PLEKHM3: variants seen among roughly 807,000 people sequenced by gnomAD.
The protein encoded by PLEKHM3 is pleckstrin homology domain containing M3, also known as pleckstrin homology domain-containing family M member 3.
In PLEKHM3, 45 loss-of-function variants were observed where a neutral mutation model predicts 81.8. That is an observed-to-expected ratio of 0.55 (90% CI 0.43 to 0.71). The LOEUF is 0.71. PLEKHM3 is among the 30% of genes least tolerant of loss of function. The probability of loss-of-function intolerance (pLI) is 0.00; values close to 1 mark genes in which losing one functional copy is unlikely to be tolerated. For synonymous variants in PLEKHM3, 352 were observed against 356.4 expected, an observed-to-expected ratio of 0.99 and a Z score of 0.14; for missense variants, 788 against 924.3, an observed-to-expected ratio of 0.85 and a Z score of 1.91.
chr2:207,962,326 T>G (rs929240091), intron 3 of PLEKHM3, among the ~76,000 whole-genome samples: 1 of 152,166 alleles, frequency 6.6e-6, no homozygotes. Context: ...TCAGAGGAGC[T>G]TCCTCATTGA....
At chr2:207,910,664 C>A (rs1026141543) in intron 5 of PLEKHM3, among the ~76,000 whole-genome samples, 1 of 152,138 alleles carries the variant, frequency 6.6e-6, no homozygotes, top group Non-Finnish European at 1.5e-5. Flanking sequence ...TTAGTAATAT[C>A]ATGCATGTCT....
chr2:207,925,973 C>T (rs1320444934), intron 5 of PLEKHM3, among the ~76,000 whole-genome samples: 1 of 151,898 alleles, frequency 6.6e-6, no homozygotes, highest in Admixed American at 6.6e-5. Context: ...GTATCTGAGA[C>T]ATCGACAAAC....
At chr2:207,972,522 G>A (rs908606456) in intron 3 of PLEKHM3, among the ~76,000 whole-genome samples, 7 of 151,634 alleles carry the variant, frequency 4.6e-5, no homozygotes, top group South Asian at 2.1e-4. Context: ...AGGAGGCGGA[G>A]GTTGCAGTGA....
In PLEKHM3 at chr2:207,823,555, G is replaced by A. The variant is rs943439987; in HGVS notation, c.*4764C>T. 3.9e-5 allele frequency: 6 copies of A among 152,130 alleles called. No homozygotes were observed. The highest frequency in any genetic ancestry group is 8.8e-5 in the Non-Finnish European group (6 of 68,038). 9.4% of individuals were successfully genotyped at this position (152,130 alleles called of 1,614,324 possible). ...TGACCTCAAGTGATTCACCCACCTC[G>A]GCCTTCAAAGTGTTGGGATTACAGG... On this transcript the variant is annotated 3_prime_UTR_variant, in exon 8 of 8. Transcript: ENST00000427836.
intron 7 of PLEKHM3, among the ~76,000 whole-genome samples, chr2:207,848,552 T>A (rs962330742): frequency 2.0e-5 from 3 of 152,246 alleles, no homozygotes; most frequent in Non-Finnish European, 4.4e-5. Context: ...CAGCACCATC[T>A]ATGGGAAGAA....
At chr2:207,828,553 G>C in intron 7 of PLEKHM3, 57 bp from the exon 8 acceptor site, 6 of 1,554,210 alleles carry the variant, frequency 3.9e-6, no homozygotes, top group Non-Finnish European at 5.3e-6. Flanking sequence ...AGACACAAAT[G>C]GGAAGCCCTG....
Position 207,828,497 on chromosome 2 carries a change from C to G in PLEKHM3, c.2109-1G>C, listed in dbSNP as rs1454452049. On this transcript the variant is annotated splice_acceptor_variant, in intron 7 of 7. Coordinates refer to ENST00000427836, the MANE Select transcript of PLEKHM3 (RefSeq NM_001080475.3). LOFTEE classifies it high-confidence loss of function. ...GAAAACGGCTCCACAGCTTTCACAC[C>G]TGCAAAAGTCAACCATGGATATGAT... is the stretch of plus-strand genomic sequence containing the variant. 1 of 1,612,998 alleles carries G rather than the reference C, an allele frequency of 6.2e-7. No homozygotes were observed. The highest frequency in any genetic ancestry group is 2.2e-5 in the East Asian group (1 of 44,878).
At chr2:207,933,912 G>A (rs1689668180) in intron 4 of PLEKHM3, among the ~76,000 whole-genome samples, 1 of 152,186 alleles carries the variant, frequency 6.6e-6, no homozygotes, top group Non-Finnish European at 1.5e-5. Flanking sequence ...CTGAGCACAT[G>A]CACTCATTTT....
chr2:207,975,250 G>A (rs1410091971), intron 3 of PLEKHM3, among the ~76,000 whole-genome samples: 3 of 152,168 alleles, frequency 2.0e-5, no homozygotes, highest in African/African-American at 4.8e-5. Flanking sequence ...TCCTCACTCT[G>A]GGTAATTTAT....
rs1249428067 is a variant in PLEKHM3, at chr2:207,823,601, C to T, written c.*4718G>A. 1 of 152,202 alleles carries T rather than the reference C, an allele frequency of 6.6e-6. No individual in the cohort carries two copies. The highest frequency in any genetic ancestry group is 1.5e-5 in the Non-Finnish European group (1 of 68,056). The allele number at this position is 152,202 out of a possible 1,614,324, so 9.4% of individuals were successfully genotyped here. A position where few individuals can be genotyped will look rare whatever the true frequency, so the allele number is the denominator to read the frequency against. The stretch of plus-strand genomic sequence containing the variant: ...ACAGGCATGAGCCACTACGTTCAGC[C>T]TAATTTTTTTATTTTTAGTATAGAC... On this transcript the variant is annotated 3_prime_UTR_variant, in exon 8 of 8. Coordinates refer to ENST00000427836, the MANE Select transcript of PLEKHM3 (RefSeq NM_001080475.3).
intron 1 of PLEKHM3, among the ~76,000 whole-genome samples, chr2:208,017,665 C>T (rs1013417257): frequency 2.6e-5 from 4 of 152,150 alleles, no homozygotes; most frequent in Non-Finnish European, 4.4e-5. Flanking sequence ...GAAACTTGTT[C>T]TTTATGCTTT....
At chr2:207,892,662 C>T (rs1422485785) in intron 6 of PLEKHM3, among the ~76,000 whole-genome samples, 1 of 152,170 alleles carries the variant, frequency 6.6e-6, no homozygotes, top group East Asian at 1.9e-4. Flanking sequence ...CTCGCCACCC[C>T]TTTCATTATC....
intron 7 of PLEKHM3, among the ~76,000 whole-genome samples, chr2:207,836,125 C>A (rs1043253621): frequency 1.3e-5 from 2 of 152,104 alleles, no homozygotes; most frequent in African/African-American, 2.4e-5. Context: ...GGGATAGGAG[C>A]AGGGGAACAT....
chr2:207,842,005 A>T (rs546647316), intron 7 of PLEKHM3, among the ~76,000 whole-genome samples: 109 of 152,206 alleles, frequency 7.2e-4, no homozygotes, highest in Non-Finnish European at 1.3e-3. Flanking sequence ...TGGTGTGATC[A>T]CAGCTCACTG....
At chr2:207,930,515 T>G (rs1326616660) in intron 5 of PLEKHM3, among the ~76,000 whole-genome samples, 1 of 152,114 alleles carries the variant, frequency 6.6e-6, no homozygotes, top group Non-Finnish European at 1.5e-5. Context: ...GCTTTTTAGT[T>G]ATGAACTATT....
At chr2:207,885,493 C>G (rs1687859155) in intron 6 of PLEKHM3, among the ~76,000 whole-genome samples, 1 of 152,130 alleles carries the variant, frequency 6.6e-6, no homozygotes, top group East Asian at 1.9e-4. Context: ...TTCATCAAAG[C>G]AGGAAATAAA....
chr2:207,989,895 T>C (rs549603665), intron 2 of PLEKHM3, among the ~76,000 whole-genome samples: 2 of 152,300 alleles, frequency 1.3e-5, no homozygotes, highest in African/African-American at 4.8e-5. Context: ...AGGCCTCCCC[T>C]CCTGGGAAAC....
At position 207,977,529 on chromosome 2, in the gene PLEKHM3, T is replaced by A; in HGVS notation, c.668A>T (p.Asp223Val). ...ACAGCTTTGCCAGTAACTGTCATGG[T>A]CCTTTCTAATCTCCAGGTAACCCTT... is the stretch of plus-strand genomic sequence containing the variant. ...LKKGYLEIRKDHDSYWQSCYA... is the reference protein window; with the variant it reads ...LKKGYLEIRKVHDSYWQSCYA... Residue 223 changes from aspartate to valine, a missense_variant, in exon 3 of 8, where the codon GAC becomes GTC. By Grantham distance (152) the Asp-to-Val change is radical. Transcript: ENST00000427836. The A allele has an allele frequency of 6.2e-7, 1 of 1,613,846 alleles. No individual in the cohort carries two copies. Among genetic ancestry groups the A allele is most frequent in the Non-Finnish European group, 8.5e-7 (1 of 1,179,932 alleles).
chr2:207,965,112 A>G (rs1690868318), intron 3 of PLEKHM3, among the ~76,000 whole-genome samples: 1 of 152,204 alleles, frequency 6.6e-6, no homozygotes, highest in Non-Finnish European at 1.5e-5. Flanking sequence ...TGAAAAGCTT[A>G]GTTTTTCAAG....
Sources: gnomAD v4.1 joint callset for allele counts (sites outside exome capture counted in the v4.1 genomes callset) on GRCh38, gnomAD v4.1.1 for gene constraint, MANE v1.5 for transcripts, NCBI Gene and HGNC (gene_info 2026-07-23, HGNC 2026-07-21) for gene names.